Variants in EPC1 observed in about 807,000 individuals in gnomAD.
EPC1 encodes the protein enhancer of polycomb homolog 1.
EPC1 carries 12 observed loss-of-function variants against 98.4 expected under a neutral mutation model. The observed-to-expected ratio is 0.12, with a 90% CI of 0.08 to 0.20. The LOEUF is 0.20. Among genes scored for constraint, EPC1 ranks in the 10% least tolerant of loss-of-function variants. The probability of loss-of-function intolerance (pLI) is 1.00; values close to 1 mark genes in which losing one functional copy is unlikely to be tolerated. For missense variants in EPC1, 729 were observed against 990.5 expected, an observed-to-expected ratio of 0.74 and a Z score of 3.54; for synonymous variants, 357 against 363.9, an observed-to-expected ratio of 0.98 and a Z score of 0.21.
chr10:32,295,918 A>C (rs1004186086), intron 2 of EPC1, among the ~76,000 whole-genome samples: 3 of 151,288 alleles, frequency 2.0e-5, no homozygotes, highest in Non-Finnish European at 2.9e-5. Context: ...CAATGTTCTC[A>C]ATGTTCTTTT....
At chr10:32,364,201 A>ATGGG (rs374628039) in intron 1 of EPC1, among the ~76,000 whole-genome samples, 2 of 150,050 alleles carry the variant, frequency 1.3e-5, no homozygotes, top group Non-Finnish European at 3.0e-5. Flanking sequence ...TTTAGTAGAG[A>ATGGG]CTTTTAGTAG....
At chr10:32,277,923 G>A (rs1055433334) in intron 10 of EPC1, among the ~76,000 whole-genome samples, 1 of 152,086 alleles carries the variant, frequency 6.6e-6, no homozygotes, top group East Asian at 1.9e-4. Context: ...TGGTACACCA[G>A]CAGCTGGAAC....
chr10:32,280,478 C>T (rs60838408), intron 10 of EPC1, among the ~76,000 whole-genome samples: 3,029 of 150,414 alleles, frequency 0.02, 107 homozygotes, highest in African/African-American at 0.07. Context: ...CGGTGGCTCA[C>T]GCCTGTAATC....
chr10:32,290,758 A>T (rs3006622), intron 6 of EPC1, among the ~76,000 whole-genome samples: 149,601 of 151,694 alleles, frequency 0.99, 73,791 homozygotes, highest in Middle Eastern at 1. Flanking sequence ...AAGGTGGGGT[A>T]TATATGTATT....
intron 2 of EPC1, among the ~76,000 whole-genome samples, chr10:32,296,508 A>G (rs577827293): frequency 6.6e-6 from 1 of 152,362 alleles, no homozygotes; most frequent in South Asian, 2.1e-4. Context: ...TATCATATGA[A>G]TCAAGGAGCT....
intron 10 of EPC1, among the ~76,000 whole-genome samples, chr10:32,278,361 GTTTT>G (rs1188632386): frequency 3.7e-4 from 45 of 122,632 alleles, no homozygotes; most frequent in Non-Finnish European, 5.7e-4. Context: ...GTATACTTTG[GTTTT>G]TTTTTGTTTT....
chr10:32,294,248 T>C (rs1340657321), intron 2 of EPC1, among the ~76,000 whole-genome samples: 1 of 152,180 alleles, frequency 6.6e-6, no homozygotes, highest in Non-Finnish European at 1.5e-5. Context: ...CCAATAACAG[T>C]ACAGGTTGAG....
At chr10:32,332,336 TATAGTTCAGTTCACTGAGCAG>T (rs2132976357) in intron 1 of EPC1, among the ~76,000 whole-genome samples, 1 of 151,722 alleles carries the variant, frequency 6.6e-6, no homozygotes, top group Admixed American at 6.6e-5. Context: ...TGAAGCACAG[TATAGTTCAGTTCACTGAGCAG>T]AGGGCTTGTG....
intron 10 of EPC1, among the ~76,000 whole-genome samples, chr10:32,279,023 C>T (rs557893879): frequency 1.3e-5 from 2 of 152,246 alleles, no homozygotes; most frequent in East Asian, 3.9e-4. Context: ...GACTCTGCTA[C>T]AGATGTTATA....
chr10:32,332,266 G>A (rs1257094722), intron 1 of EPC1, among the ~76,000 whole-genome samples: 1 of 152,148 alleles, frequency 6.6e-6, no homozygotes, highest in Non-Finnish European at 1.5e-5. Context: ...AAGCATTTGG[G>A]GTAAAGGACA....
chr10:32,347,096 C>T lies in EPC1; in HGVS notation c.-181G>A, dbSNP rs929359479. 1.1e-5 allele frequency: 16 copies of T among 1,442,338 alleles called. No individual in the cohort carries two copies. The East Asian group carries it at 2.2e-4, about 20-fold the overall frequency. 89.3% of individuals were successfully genotyped at this position (1,442,338 alleles called of 1,614,324 possible). ...GGGTGGGAGGCTGTGCCGCTCCGCT[C>T]CTCTCTCGCTCGCTCTCTTCAATAC... On this transcript the variant is annotated 5_prime_UTR_variant, in exon 1 of 14. Coordinates refer to ENST00000319778, the MANE Select transcript of EPC1 (RefSeq NM_001272004.3).
chr10:32,345,041 C>A lies in EPC1; in HGVS notation c.153+1722G>T, dbSNP rs149641467. The A allele has an allele frequency of 1.7e-3, 1,183 of 679,294 alleles. 19 individuals carry two copies. In the African/African-American group the frequency reaches 0.022, roughly 12 times the overall value. The allele number at this position is 679,294 out of a possible 1,614,324, so 42.1% of individuals were successfully genotyped here. A position where few individuals can be genotyped will look rare whatever the true frequency, so the allele number is the denominator to read the frequency against. On this transcript the variant is annotated intron_variant, in intron 1 of 13. Transcript: ENST00000319778. ...AATTAATTTCCAGGGCAGGGTAAAA[C>A]CAACACCCCAATACTTGAAAGTATT...
intron 1 of EPC1, among the ~76,000 whole-genome samples, chr10:32,346,104 G>C (rs1838775863): frequency 6.6e-6 from 1 of 152,214 alleles, no homozygotes; most frequent in African/African-American, 2.4e-5. Flanking sequence ...TTATCTTCTA[G>C]AAAAGTAAGT....
intron 1 of EPC1, among the ~76,000 whole-genome samples, chr10:32,368,168 T>C (rs1316865912): frequency 6.6e-6 from 1 of 152,174 alleles, no homozygotes; most frequent in Non-Finnish European, 1.5e-5. Context: ...AAGAAGTAGT[T>C]CTCTCTTTAT....
In EPC1 at chr10:32,292,529, A is replaced by C; in HGVS notation, c.782T>G (p.Leu261Arg). ...CATAATTTCCAGTGTTAAGTGCAATAGCTCTCTTTTACTTTTTTCTCTTCT... is the reference window on the plus strand; with the variant it reads ...CATAATTTCCAGTGTTAAGTGCAATCGCTCTCTTTTACTTTTTTCTCTTCT... ...IKRREKSKRE[L>R]LHLTLEIMEK... Residue 261 changes from leucine to arginine, a missense_variant, in exon 5 of 14, where the codon CTA becomes CGA. Coordinates refer to ENST00000319778, the MANE Select transcript of EPC1 (RefSeq NM_001272004.3). The C allele has an allele frequency of 6.3e-7, 1 of 1,598,982 alleles. No homozygotes were observed. Among genetic ancestry groups the C allele is most frequent in the Non-Finnish European group, 8.5e-7 (1 of 1,172,918 alleles).
At chr10:32,272,229 C>T in intron 11 of EPC1, 62 bp from the exon 12 acceptor site, 1 of 1,375,148 alleles carries the variant, frequency 7.3e-7, no homozygotes, top group Non-Finnish European at 9.8e-7. Flanking sequence ...AATATCAAAA[C>T]TACACATGCA....
chr10:32,358,518 A>G (rs995944904), intron 1 of EPC1, among the ~76,000 whole-genome samples: 6 of 151,258 alleles, frequency 4.0e-5, no homozygotes, highest in Non-Finnish European at 7.4e-5. Context: ...GGTGGTGCAC[A>G]CCTGTAGTCC....
At chr10:32,359,001 G>C (rs946624462) in intron 1 of EPC1, among the ~76,000 whole-genome samples, 1 of 152,092 alleles carries the variant, frequency 6.6e-6, no homozygotes, top group African/African-American at 2.4e-5. Context: ...AAGTCCTGCA[G>C]AAAAGAAACC....
chr10:32,334,881 A>C (rs1203697702), intron 1 of EPC1, among the ~76,000 whole-genome samples: 1 of 152,178 alleles, frequency 6.6e-6, no homozygotes, highest in African/African-American at 2.4e-5. Flanking sequence ...CCATAGTGGG[A>C]GAATGATACA....
Sources: allele counts gnomAD v4.1 joint callset (sites outside exome capture counted in the v4.1 genomes callset), GRCh38; gene constraint gnomAD v4.1.1; transcripts MANE v1.5; gene names NCBI Gene and HGNC (gene_info 2026-07-23, HGNC 2026-07-21).